Variants in SP4 observed in about 807,000 individuals in gnomAD.
The protein encoded by SP4 is transcription factor Sp4.
In SP4, 19 loss-of-function variants were observed where a neutral mutation model predicts 72.8. The observed-to-expected ratio is 0.26, with a 90% CI of 0.18 to 0.38. The LOEUF (loss-of-function observed/expected upper bound fraction) is 0.38. Ranked by LOEUF, SP4 falls within the 10% of genes least tolerant of loss-of-function variation. The pLI, the probability that SP4 is intolerant of heterozygous loss-of-function variation, is 1.00. For missense variants in SP4, 1,008 were observed against 926.3 expected (o/e 1.09, Z -1.14); for synonymous variants, 395 against 333.1 (o/e 1.19, Z -2.02).
chr7:21,430,388 A>G lies in SP4; in HGVS notation c.1223A>G (p.Gln408Arg). ...GGCCAACCTATCTTACAGCAGATCC[A>G]GATCCAACAGCCTCAGCAACAGATC... ...IVGQPILQQI[Q>R]IQQPQQQIIQ... The change falls in exon 3 of 6, where the codon CAG becomes CGG. Residue 408 changes from glutamine (Q) to arginine (R), a missense_variant. Transcript: ENST00000222584. The G allele has an allele frequency of 3.1e-6, 5 of 1,614,222 alleles. No homozygotes were observed. The highest frequency in any genetic ancestry group is 4.2e-6 in the Non-Finnish European group (5 of 1,180,032).
Position 21,428,185 on chromosome 7 carries a change from C to T in SP4, c.-67C>T. The T allele has an allele frequency of 1.6e-6, 1 of 622,636 alleles. No individual in the cohort carries two copies. Among genetic ancestry groups the T allele is most frequent in the Non-Finnish European group, 2.9e-6 (1 of 342,380 alleles). 38.6% of individuals were successfully genotyped at this position (622,636 alleles called of 1,614,324 possible). A position where few individuals can be genotyped will look rare whatever the true frequency, so the allele number is the denominator to read the frequency against. On this transcript the variant is annotated 5_prime_UTR_variant, in exon 1 of 6. Coordinates refer to ENST00000222584, the MANE Select transcript of SP4 (RefSeq NM_003112.5). Reference sequence around the variant, plus strand: ...GGGCGGGACCGGCCTCTCCTCCCGCCTCGCCCCCACCCCCACCCACCTCTA... The same window carrying T: ...GGGCGGGACCGGCCTCTCCTCCCGCTTCGCCCCCACCCCCACCCACCTCTA...
chr7:21,434,913 C>G (rs141208375), intron 3 of SP4, among the ~76,000 whole-genome samples: 16 of 151,958 alleles, frequency 1.1e-4, no homozygotes, highest in African/African-American at 3.9e-4. Flanking sequence ...TCAAAGACAA[C>G]TAATTGTACC....
chr7:21,513,938 T>C lies in SP4; in HGVS notation c.*2669T>C, dbSNP rs1348948434. Reference sequence around the variant, plus strand: ...AAGAATCGTAAATTTCAGTGTCCTTTATTTGACTCAGTGGGATATAGCTGT... The same window carrying C: ...AAGAATCGTAAATTTCAGTGTCCTTCATTTGACTCAGTGGGATATAGCTGT... On this transcript the variant is annotated 3_prime_UTR_variant, in exon 6 of 6. Coordinates refer to ENST00000222584, the MANE Select transcript of SP4 (RefSeq NM_003112.5). The C allele has an allele frequency of 6.6e-6, 1 of 152,594 alleles. No homozygotes were observed. Among genetic ancestry groups the C allele is most frequent in the African/African-American group, 2.4e-5 (1 of 41,466 alleles). The allele number at this position is 152,594 out of a possible 1,614,324, so 9.5% of individuals were successfully genotyped here.
In SP4 at chr7:21,512,731, T is replaced by A. The variant is rs947799571; in HGVS notation, c.*1462T>A. On this transcript the variant is annotated 3_prime_UTR_variant, in exon 6 of 6. Transcript: ENST00000222584. ...GCGCCTGCCACCATGCCTGGCTAAT[T>A]TTTGTATTTTTAGTAGAGACAGGGT... 3 of 152,232 alleles carry A rather than the reference T, an allele frequency of 2.0e-5. No homozygotes were observed. The highest frequency in any genetic ancestry group is 7.3e-5 in the African/African-American group (3 of 41,336). The allele number at this position is 152,232 out of a possible 1,614,324, so 9.4% of individuals were successfully genotyped here. A position where few individuals can be genotyped will look rare whatever the true frequency, so the allele number is the denominator to read the frequency against.
chr7:21,501,339 A>T (rs1357689590), intron 5 of SP4, among the ~76,000 whole-genome samples: 1 of 151,676 alleles, frequency 6.6e-6, no homozygotes, highest in Admixed American at 6.6e-5. Flanking sequence ...ATTTTCTCAC[A>T]AAGTCCCTCC....
chr7:21,456,121 C>G (rs1190211396), intron 3 of SP4, among the ~76,000 whole-genome samples: 1 of 152,176 alleles, frequency 6.6e-6, no homozygotes, highest in Non-Finnish European at 1.5e-5. Flanking sequence ...CATTTATTGG[C>G]CCTCTTGACC....
intron 4 of SP4, among the ~76,000 whole-genome samples, chr7:21,479,982 GTTTT>G (rs914415973): frequency 1.2e-4 from 10 of 84,118 alleles, no homozygotes; most frequent in African/African-American, 2.8e-4. Context: ...AGTTATAACA[GTTTT>G]TTTGTTTGTT....
chr7:21,435,927 G>T (rs1438580281), intron 3 of SP4, among the ~76,000 whole-genome samples: 1 of 151,954 alleles, frequency 6.6e-6, no homozygotes, highest in African/African-American at 2.4e-5. Flanking sequence ...ATTTGAGATG[G>T]AGTCTCGTTC....
intron 5 of SP4, among the ~76,000 whole-genome samples, chr7:21,496,546 T>C (rs1305058196): frequency 2.0e-5 from 3 of 152,204 alleles, no homozygotes; most frequent in Non-Finnish European, 4.4e-5. Flanking sequence ...ATGTAGTTAC[T>C]CTTGCTGCTT....
chr7:21,511,083 C>T lies in SP4; in HGVS notation c.2169C>T (p.Ser723=). 6.2e-7 allele frequency: 1 copy of T among 1,614,038 alleles called. No homozygotes were observed. The highest frequency in any genetic ancestry group is 8.5e-7 in the Non-Finnish European group (1 of 1,179,934). ...SKRFMRSDHL[S]KHVKTHQNKK... is the part of the protein sequence containing the mutation. ...GGTTTATGCGGAGTGATCATCTCTC[C>T]AAACATGTCAAAACGCACCAGAATA... is the stretch of plus-strand genomic sequence containing the variant. The change falls in exon 6 of 6, where the codon TCC becomes TCT. Residue 723 remains serine (S), a synonymous_variant. Transcript: ENST00000222584.
intron 3 of SP4, among the ~76,000 whole-genome samples, chr7:21,447,068 A>G (rs1783448698): frequency 6.6e-6 from 1 of 152,220 alleles, no homozygotes; most frequent in African/African-American, 2.4e-5. Flanking sequence ...ACCCTTGGGC[A>G]TGTAGATTGC....
Position 21,430,438 on chromosome 7 carries a change from T to C in SP4, c.1273T>C (p.Phe425Leu). 6.2e-7 allele frequency: 1 copy of C among 1,614,162 alleles called. No individual in the cohort carries two copies. Among genetic ancestry groups the C allele is most frequent in the Non-Finnish European group, 8.5e-7 (1 of 1,180,020 alleles). ...QIIQAIPPQS[F>L]QLQSGQTIQT... is the part of the protein sequence containing the mutation. ...CATTCAGGCTATTCCACCACAGTCG[T>C]TTCAACTCCAGTCAGGGCAGACGAT... Residue 425 changes from phenylalanine to leucine, a missense_variant, in exon 3 of 6, where the codon TTT becomes CTT. Physicochemically the swap from Phe to Leu is conservative, Grantham distance 22. Around this residue, in one of 3 missense-constraint regions of SP4, gnomAD observed 893 missense variants for 743.3 expected, o/e 1.20. Coordinates refer to ENST00000222584, the MANE Select transcript of SP4 (RefSeq NM_003112.5).
At position 21,428,848 on chromosome 7, in the gene SP4, T is replaced by C. The variant is rs569164006; in HGVS notation, c.123+56T>C. The C allele has an allele frequency of 6.6e-4, 883 of 1,329,312 alleles. 12 individuals are homozygous for C. The South Asian group carries it at 8.2e-3, about 12-fold the overall frequency. The allele number at this position is 1,329,312 out of a possible 1,614,324, so 82.3% of individuals were successfully genotyped here. On this transcript the variant is annotated intron_variant, in intron 2 of 5. Transcript: ENST00000222584. ...ACGACACATTAGGAGAGAGAGGGAG[T>C]TATGCCCTTTGAATGTCCAGAAGTA...
chr7:21,438,607 G>A (rs1030606097), intron 3 of SP4, among the ~76,000 whole-genome samples: 1 of 152,106 alleles, frequency 6.6e-6, no homozygotes, highest in African/African-American at 2.4e-5. Flanking sequence ...TTGTAGTTAC[G>A]ATATGTTATC....
rs3214203 is a variant in SP4, at chr7:21,477,009, ATT to A, written c.1679-60_1679-59del. On this transcript the variant is annotated intron_variant, in intron 3 of 5. Coordinates refer to ENST00000222584, the MANE Select transcript of SP4 (RefSeq NM_003112.5). ...TAGAAAAAATTTATTATGCACATAG[ATT>A]TTTTTTTTTAATCCTTTCTTTAGGT... The A allele has an allele frequency of 1.5e-3, 1,612 of 1,056,888 alleles. 3 individuals carry two copies. Among genetic ancestry groups the A allele is most frequent in the East Asian group, 9.7e-3 (343 of 35,364 alleles). 65.5% of individuals were successfully genotyped at this position (1,056,888 alleles called of 1,614,324 possible).
intron 5 of SP4, among the ~76,000 whole-genome samples, chr7:21,507,384 T>C (rs1782026011): frequency 6.6e-6 from 1 of 152,238 alleles, no homozygotes; most frequent in South Asian, 2.1e-4. Flanking sequence ...GCAGTTGGTT[T>C]GGCTCCGCCA....
intron 5 of SP4, among the ~76,000 whole-genome samples, chr7:21,483,663 T>C (rs541159626): frequency 3.1e-4 from 47 of 151,978 alleles, no homozygotes; most frequent in South Asian, 1.2e-3. Context: ...TGTGGTTCAA[T>C]TTCTGGTTTC....
intron 3 of SP4, among the ~76,000 whole-genome samples, chr7:21,473,951 A>G (rs2128408194): frequency 6.6e-6 from 1 of 152,322 alleles, no homozygotes; most frequent in South Asian, 2.1e-4. Flanking sequence ...ATAAAGCAGT[A>G]TGTTGAACTT....
At chr7:21,504,337 A>G (rs1005337539) in intron 5 of SP4, among the ~76,000 whole-genome samples, 1 of 152,178 alleles carries the variant, frequency 6.6e-6, no homozygotes, top group South Asian at 2.1e-4. Flanking sequence ...CCCATTAAGC[A>G]TATTTAGAAT....
Sources: gnomAD v4.1 joint callset for allele counts (sites outside exome capture counted in the v4.1 genomes callset) on GRCh38, gnomAD v4.1.1 for gene constraint, gnomAD v4.1.1 regional missense constraint, MANE v1.5 for transcripts, NCBI Gene and HGNC (gene_info 2026-07-23, HGNC 2026-07-21) for gene names.